EIPR1: variants seen among roughly 807,000 people sequenced by gnomAD.
EIPR1 encodes the protein EARP complex and GARP complex interacting protein 1.
EIPR1 carries 25 observed loss-of-function variants against 48.1 expected under a neutral mutation model. The observed-to-expected ratio is 0.52, with a 90% confidence interval of 0.38 to 0.73. The LOEUF is 0.73. Among genes scored for constraint, EIPR1 ranks in the 30% least tolerant of loss-of-function variants. The probability of loss-of-function intolerance (pLI) is 0.00; values close to 1 mark genes in which losing one functional copy is unlikely to be tolerated. For synonymous variants in EIPR1, 204 were observed against 201.9 expected (o/e 1.01, Z -0.09); for missense variants, 415 against 506.2 (o/e 0.82, Z 1.73).
intron 4 of EIPR1, 59 bp downstream of exon 4, chr2:3,257,240 T>TCCTGC (rs1405749335): frequency 3.8e-6 from 6 of 1,565,484 alleles, no homozygotes; most frequent in Non-Finnish European, 4.4e-6. Context: ...CTGCACAAGC[T>TCCTGC]CCTGCACCTG....
chr2:3,235,419 T>C (rs6548137), intron 4 of EIPR1, among the ~76,000 whole-genome samples: 136,663 of 151,506 alleles, frequency 0.9, 61,961 homozygotes, highest in East Asian at 0.98. Flanking sequence ...TGCATGCGGG[T>C]GCGCACACAC....
chr2:3,298,518 T>G (rs1223743331), intron 3 of EIPR1: 2 of 152,154 alleles, frequency 1.3e-5, no homozygotes, highest in Non-Finnish European at 2.9e-5. Flanking sequence ...ATCCTGATAG[T>G]ATCTAGGATC....
intron 3 of EIPR1, among the ~76,000 whole-genome samples, chr2:3,335,202 G>A (rs2103346869): frequency 6.6e-6 from 1 of 152,336 alleles, no homozygotes; most frequent in South Asian, 2.1e-4. Flanking sequence ...AGTACACACT[G>A]TTGAAGAGGC....
chr2:3,246,997 C>G lies in EIPR1; in HGVS notation c.416+10302G>C, dbSNP rs1204757638. Among the ~76,000 whole-genome samples the G allele has an allele frequency of 2.2e-3, 17 of 7,690 alleles. 2 individuals carry two copies. Among genetic ancestry groups the G allele is most frequent in the Non-Finnish European group, 0.015 (4 of 270 alleles). The allele number at this position is 7,690 out of a possible 152,430, so 5.0% of individuals were successfully genotyped here. The stretch of plus-strand genomic sequence containing the variant: ...AGGAGGGAGGGAGGGAGGGAGAGAG[C>G]GAGGGAGGAGAGAGCGAGGGAGGGA... On this transcript the variant is annotated intron_variant, in intron 4 of 8. Transcript: ENST00000382125.
intron 4 of EIPR1, among the ~76,000 whole-genome samples, chr2:3,245,145 C>T (rs532831990): frequency 6.6e-6 from 1 of 151,896 alleles, no homozygotes; most frequent in South Asian, 2.1e-4. Context: ...ATAACCATTC[C>T]TTATTTTATT....
intron 4 of EIPR1, among the ~76,000 whole-genome samples, chr2:3,252,684 G>T (rs1558252503): frequency 6.6e-6 from 1 of 152,164 alleles, no homozygotes; most frequent in Non-Finnish European, 1.5e-5. Context: ...GGTTAACCAG[G>T]CGAGGCTGAG....
chr2:3,319,901 G>A lies in EIPR1; in HGVS notation c.259+18116C>T, dbSNP rs1439024627. On this transcript the variant is annotated intron_variant, in intron 3 of 8. Transcript: ENST00000382125. ...CCCTGTGGACAACACCGCACCTGTG[G>A]ACAACACCGCACCTGTGGGCAGGGC... The A allele has an allele frequency of 3.5e-5, 3 of 85,286 alleles. 1 individual carries two copies. The highest frequency in any genetic ancestry group is 6.5e-5 in the Non-Finnish European group (3 of 46,028). 5.3% of individuals were successfully genotyped at this position (85,286 alleles called of 1,614,324 possible).
At chr2:3,340,348 G>A (rs958667169) in intron 2 of EIPR1, among the ~76,000 whole-genome samples, 4 of 152,222 alleles carry the variant, frequency 2.6e-5, no homozygotes, top group Non-Finnish European at 5.9e-5. Flanking sequence ...TGGCCGGCTT[G>A]CCCGAGGCAG....
At chr2:3,324,704 A>G (rs372609038) in intron 3 of EIPR1, among the ~76,000 whole-genome samples, 161 of 152,342 alleles carry the variant, frequency 1.1e-3, no homozygotes, top group African/African-American at 3.5e-3. Flanking sequence ...GGTCAGTGGG[A>G]TGATGCAGTA....
intron 3 of EIPR1, among the ~76,000 whole-genome samples, chr2:3,261,162 G>A (rs1427473173): frequency 4.6e-5 from 7 of 152,068 alleles, no homozygotes; most frequent in Admixed American, 2.0e-4. Context: ...AATGACCAAC[G>A]AGACCAGAGT....
intron 3 of EIPR1, among the ~76,000 whole-genome samples, chr2:3,313,542 G>A (rs917931104): frequency 2.0e-5 from 3 of 152,194 alleles, no homozygotes; most frequent in African/African-American, 4.8e-5. Flanking sequence ...TCCCATTTAT[G>A]TGGACATAAA....
chr2:3,238,062 C>T (rs912364266), intron 4 of EIPR1, among the ~76,000 whole-genome samples: 5 of 152,082 alleles, frequency 3.3e-5, no homozygotes, highest in African/African-American at 7.2e-5. Context: ...TCACGAAAAC[C>T]GTAAAAGCTT....
intron 3 of EIPR1, among the ~76,000 whole-genome samples, chr2:3,271,412 C>T (rs1667698604): frequency 1.3e-5 from 2 of 152,196 alleles, no homozygotes; most frequent in Non-Finnish European, 2.9e-5. Flanking sequence ...GCAACGACAG[C>T]CTTAAGACAT....
rs553344377 is a variant in EIPR1 at position 3,256,685 on chromosome 2, C to A, written c.416+614G>T. On this transcript the variant is annotated intron_variant, in intron 4 of 8. Coordinates refer to ENST00000382125, the MANE Select transcript of EIPR1 (RefSeq NM_003310.5). ...CCCCCGCAATCTCCTTTAGAAAATA[C>A]GGCTTCTTAATTTTTACCAAGGCCT... is the stretch of plus-strand genomic sequence containing the variant. 2.6e-5 allele frequency among the ~76,000 whole-genome samples: 4 copies of A among 152,208 alleles called. No individual in the cohort carries two copies. In the South Asian group the frequency reaches 8.3e-4, roughly 31 times the overall value.
At chr2:3,314,114 C>T (rs762992400) in intron 3 of EIPR1, among the ~76,000 whole-genome samples, 2 of 152,284 alleles carry the variant, frequency 1.3e-5, no homozygotes, top group Non-Finnish European at 1.5e-5. Flanking sequence ...ATTGGGGCGC[C>T]GCGCTGGCAG....
At chr2:3,191,088 TTTTG>T (rs1373523339) in intron 8 of EIPR1, among the ~76,000 whole-genome samples, 1 of 152,192 alleles carries the variant, frequency 6.6e-6, no homozygotes, top group African/African-American at 2.4e-5. Context: ...TTTTGTTTGT[TTTTG>T]TTTGTCTCAA....
rs992915732 is a variant in EIPR1, at chr2:3,286,018, C to T, written c.260-28563G>A. The stretch of plus-strand genomic sequence containing the variant: ...CCCTGCCCTGAGGACATGGGGCAGC[C>T]GGCTGTAGGTGTTCCAGCTGTGGCT... On this transcript the variant is annotated intron_variant, in intron 3 of 8. Coordinates refer to ENST00000382125, the MANE Select transcript of EIPR1 (RefSeq NM_003310.5). The surrounding 1 kb of genome is among the most constrained non-coding windows in gnomAD (Gnocchi z 4.2). 2.0e-5 allele frequency among the ~76,000 whole-genome samples: 3 copies of T among 152,318 alleles called. No individual in the cohort carries two copies. Among genetic ancestry groups the T allele is most frequent in the East Asian group, 1.9e-4 (1 of 5,186 alleles).
chr2:3,276,422 A>T (rs1238561389), intron 3 of EIPR1, among the ~76,000 whole-genome samples: 1 of 152,218 alleles, frequency 6.6e-6, no homozygotes, highest in Non-Finnish European at 1.5e-5. Flanking sequence ...TTCTTATAAC[A>T]TGTAAGAGAT....
At chr2:3,298,387 G>C (rs1449711055) in intron 3 of EIPR1, 4 of 152,198 alleles carry the variant, frequency 2.6e-5, no homozygotes, top group Non-Finnish European at 5.9e-5. Context: ...TTGTGTGGGA[G>C]AGAATCCAAG....
Sources: gnomAD v4.1 joint callset for allele counts (sites outside exome capture counted in the v4.1 genomes callset) on GRCh38, gnomAD v4.1.1 for gene constraint, Gnocchi (gnomAD v3.1) non-coding constraint, MANE v1.5 for transcripts, NCBI Gene and HGNC (gene_info 2026-07-23, HGNC 2026-07-21) for gene names.